FRAS1: variants seen among roughly 807,000 people sequenced by gnomAD.
FRAS1 encodes extracellular matrix organizing protein FRAS1.
Under a neutral mutation model 435.2 loss-of-function variants are expected in FRAS1, and 290 were observed. The ratio of observed to expected loss-of-function variants is 0.67; its 90% CI spans 0.61 to 0.73. The LOEUF is 0.73. Among genes scored for constraint, FRAS1 ranks in the 30% least tolerant of loss-of-function variants. The pLI, the probability that FRAS1 is intolerant of heterozygous loss-of-function variation, is 0.00. For synonymous variants in FRAS1, 1,800 were observed against 1,851.0 expected (o/e 0.97, Z 0.71); for missense variants, 4,860 against 5,001.5 (o/e 0.97, Z 0.85).
At chr4:78,502,433 A>G (rs1417752960) in intron 61 of FRAS1, among the ~76,000 whole-genome samples, 4 of 152,124 alleles carry the variant, frequency 2.6e-5, no homozygotes, top group Non-Finnish European at 5.9e-5. Context: ...GAGGTCCTTC[A>G]TGTCCCTTGT....
rs548095125 is a variant in FRAS1, at chr4:78,452,433, T to C, written c.6763+79T>C. 52 of 1,083,640 alleles carry C rather than the reference T, an allele frequency of 4.8e-5. 1 individual carries two copies. The African/African-American group carries it at 6.6e-4, about 14-fold the overall frequency. The allele number at this position is 1,083,640 out of a possible 1,614,324, so 67.1% of individuals were successfully genotyped here. A position where few individuals can be genotyped will look rare whatever the true frequency, so the allele number is the denominator to read the frequency against. On this transcript the variant is annotated intron_variant, in intron 47 of 73. Transcript: ENST00000512123. ...TTGAGGGCAGCCACATCATGTATCATGTATACCTAGAATCTGCCTTAATTC... is the reference window on the plus strand; with the variant it reads ...TTGAGGGCAGCCACATCATGTATCACGTATACCTAGAATCTGCCTTAATTC...
chr4:78,058,108 G>GTGTA (rs2109835190), intron 1 of FRAS1, 23 bp downstream of exon 1: 1 of 1,585,938 alleles, frequency 6.3e-7, no homozygotes, highest in Non-Finnish European at 8.7e-7. Context: ...TGCCGCGTGT[G>GTGTA]TGTGTGTGTG....
intron 3 of FRAS1, among the ~76,000 whole-genome samples, chr4:78,239,912 G>A (rs1231096968): frequency 6.6e-6 from 1 of 152,050 alleles, no homozygotes; most frequent in Non-Finnish European, 1.5e-5. Context: ...CACACATTTT[G>A]TATTCCTCTT....
intron 51 of FRAS1, among the ~76,000 whole-genome samples, chr4:78,471,095 C>T (rs77618362): frequency 0.012 from 1,814 of 152,236 alleles, 31 homozygotes; most frequent in African/African-American, 0.042. Context: ...TAAGTGTGCA[C>T]AGATGAATTG....
At chr4:78,151,686 A>G (rs148173072) in intron 2 of FRAS1, among the ~76,000 whole-genome samples, 2 of 152,324 alleles carry the variant, frequency 1.3e-5, no homozygotes, top group East Asian at 3.9e-4. Flanking sequence ...GAAAAGTAAG[A>G]CATTTTCTTA....
At chr4:78,232,850 G>C (rs1415397123) in intron 2 of FRAS1, among the ~76,000 whole-genome samples, 1 of 152,138 alleles carries the variant, frequency 6.6e-6, no homozygotes, top group East Asian at 1.9e-4. Flanking sequence ...TGAATTTTGA[G>C]ATATACAAAG....
chr4:78,200,370 T>C (rs1037043300), intron 2 of FRAS1, among the ~76,000 whole-genome samples: 6 of 152,312 alleles, frequency 3.9e-5, no homozygotes, highest in Middle Eastern at 3.4e-3. Context: ...ATGCATGATA[T>C]GGAGCTCCTG....
At chr4:78,469,777 C>T (rs1224769873) in intron 50 of FRAS1, among the ~76,000 whole-genome samples, 2 of 152,030 alleles carry the variant, frequency 1.3e-5, no homozygotes, top group Non-Finnish European at 1.5e-5. Flanking sequence ...CCTTTTCTTC[C>T]TACATTGTTC....
chr4:78,275,746 C>G (rs1726981125), intron 9 of FRAS1, among the ~76,000 whole-genome samples: 2 of 152,164 alleles, frequency 1.3e-5, no homozygotes, highest in African/African-American at 4.8e-5. Context: ...CCGCCCTTAA[C>G]ATTTTTTCCT....
At chr4:78,273,899 C>T (rs1726853204) in intron 9 of FRAS1, among the ~76,000 whole-genome samples, 1 of 152,150 alleles carries the variant, frequency 6.6e-6, no homozygotes, top group South Asian at 2.1e-4. Flanking sequence ...GTACCAGCTC[C>T]TCCTTGTACC....
chr4:78,460,817 G>A (rs1388384269), intron 47 of FRAS1, among the ~76,000 whole-genome samples: 1 of 152,180 alleles, frequency 6.6e-6, no homozygotes, highest in Non-Finnish European at 1.5e-5. Context: ...ATAATTTTAT[G>A]GGATCACCAT....
intron 2 of FRAS1, among the ~76,000 whole-genome samples, chr4:78,078,100 C>T (rs1740739322): frequency 6.6e-6 from 1 of 152,078 alleles, no homozygotes; most frequent in Non-Finnish European, 1.5e-5. Context: ...TAACTTAATA[C>T]TGTATAATAG....
intron 2 of FRAS1, among the ~76,000 whole-genome samples, chr4:78,084,693 C>T (rs1387170817): frequency 6.6e-6 from 1 of 152,058 alleles, no homozygotes; most frequent in Non-Finnish European, 1.5e-5. Context: ...CCTCTTCATA[C>T]ATTTCCTGCT....
At chr4:78,215,017 C>A (rs1464597664) in intron 2 of FRAS1, among the ~76,000 whole-genome samples, 1 of 152,106 alleles carries the variant, frequency 6.6e-6, no homozygotes, top group Non-Finnish European at 1.5e-5. Flanking sequence ...AATCAGTAAA[C>A]CTGCCTTTCT....
At chr4:78,500,409 T>C (rs952122614) in intron 61 of FRAS1, among the ~76,000 whole-genome samples, 4 of 152,128 alleles carry the variant, frequency 2.6e-5, no homozygotes, top group African/African-American at 4.8e-5. Context: ...AAGAGAGAGA[T>C]GGCGTTCAGG....
At chr4:78,425,509 G>A (rs142912830) in intron 35 of FRAS1, among the ~76,000 whole-genome samples, 1 of 152,300 alleles carries the variant, frequency 6.6e-6, no homozygotes, top group Non-Finnish European at 1.5e-5. Flanking sequence ...AACCATCCAT[G>A]CGCACTGTTA....
intron 33 of FRAS1, among the ~76,000 whole-genome samples, chr4:78,421,099 T>A (rs1294429938): frequency 6.6e-6 from 1 of 151,594 alleles, no homozygotes; most frequent in Non-Finnish European, 1.5e-5. Context: ...GCTAGGAGGC[T>A]AAGCCAGTCT....
intron 2 of FRAS1, among the ~76,000 whole-genome samples, chr4:78,233,317 T>C (rs1724594268): frequency 6.6e-6 from 1 of 152,212 alleles, no homozygotes; most frequent in Non-Finnish European, 1.5e-5. Flanking sequence ...GATAGAGACT[T>C]TTTGAATTTC....
chr4:78,459,208 A>G (rs1719293680), intron 47 of FRAS1, among the ~76,000 whole-genome samples: 1 of 152,178 alleles, frequency 6.6e-6, no homozygotes. Flanking sequence ...TTGTAATTAC[A>G]TGTATATGGT....
Sources: allele counts gnomAD v4.1 joint callset (sites outside exome capture counted in the v4.1 genomes callset), GRCh38; gene constraint gnomAD v4.1.1; transcripts MANE v1.5; gene names NCBI Gene and HGNC (gene_info 2026-07-23, HGNC 2026-07-21).